The following PLPP4 variants were observed in gnomAD, a reference collection of about 807,000 sequenced individuals.
PLPP4 encodes phospholipid phosphatase 4.
Under a neutral mutation model 32.2 loss-of-function variants are expected in PLPP4, and 20 were observed. The ratio of observed to expected loss-of-function variants is 0.62; its 90% CI spans 0.44 to 0.90. PLPP4 has a LOEUF of 0.90. Among genes scored for constraint, PLPP4 ranks in the 40% least tolerant of loss-of-function variants. PLPP4 has a pLI of 0.00. For missense variants in PLPP4, 257 were observed against 353.1 expected (o/e 0.73, Z 2.18); for synonymous variants, 127 against 133.0 (o/e 0.95, Z 0.31).
intron 6 of PLPP4, among the ~76,000 whole-genome samples, chr10:120,588,236 T>C (rs983524287): frequency 7.2e-5 from 11 of 152,236 alleles, no homozygotes; most frequent in Non-Finnish European, 1.5e-4. Flanking sequence ...ACACAGATAC[T>C]AAGCGAGAGT....
chr10:120,548,088 A>G lies in PLPP4; in HGVS notation c.445+26993A>G, dbSNP rs559904909. Among the ~76,000 whole-genome samples the G allele has an allele frequency of 2.0e-5, 3 of 152,062 alleles. No individual in the cohort carries two copies. In the South Asian group the frequency reaches 6.2e-4, roughly 32 times the overall value. ...TTAAAATTGCCAAACTTTTTTTTTA[A>G]CTTTTAGATTTAGGGGTATATGTGT... On this transcript the variant is annotated intron_variant, in intron 5 of 6. Coordinates refer to ENST00000398250, the MANE Select transcript of PLPP4 (RefSeq NM_001030059.3).
chr10:120,579,800 C>T (rs1257102215), intron 6 of PLPP4, among the ~76,000 whole-genome samples: 1 of 151,904 alleles, frequency 6.6e-6, no homozygotes. Context: ...AAGCTTTATT[C>T]CATGGCCAAA....
Position 120,591,349 on chromosome 10 carries a change from G to C in PLPP4, c.*1847G>C, listed in dbSNP as rs1396327257. Reference sequence around the variant, plus strand: ...TTGTCCCCTGGATGGAGTGGGAGAGGGGGAGGCTTGAATTGACTTTCATCC... The same window carrying C: ...TTGTCCCCTGGATGGAGTGGGAGAGCGGGAGGCTTGAATTGACTTTCATCC... On this transcript the variant is annotated 3_prime_UTR_variant, in exon 7 of 7. Coordinates refer to ENST00000398250, the MANE Select transcript of PLPP4 (RefSeq NM_001030059.3). 6.6e-6 allele frequency among the ~76,000 whole-genome samples: 1 copy of C among 152,092 alleles called. No homozygotes were observed. The highest frequency in any genetic ancestry group is 6.5e-5 in the Admixed American group (1 of 15,268).
chr10:120,591,197 A>G lies in PLPP4; in HGVS notation c.*1695A>G, dbSNP rs1189536942. On this transcript the variant is annotated 3_prime_UTR_variant, in exon 7 of 7. Transcript: ENST00000398250. ...TAGAAGCATCAGAATATCTTTGATC[A>G]GCCATTTCTGTTAAGCTCCATGGGC... 6.6e-6 allele frequency among the ~76,000 whole-genome samples: 1 copy of G among 152,186 alleles called. No individual in the cohort carries two copies. The highest frequency in any genetic ancestry group is 1.5e-5 in the Non-Finnish European group (1 of 68,032).
intron 5 of PLPP4, among the ~76,000 whole-genome samples, chr10:120,532,467 CAT>C (rs199811520): frequency 0.015 from 2,230 of 152,284 alleles, 29 homozygotes; most frequent in Middle Eastern, 0.048. Flanking sequence ...ATAAATTTCA[CAT>C]ATGATTCAAT....
chr10:120,511,730 G>A (rs950950333), intron 2 of PLPP4, among the ~76,000 whole-genome samples: 1 of 152,200 alleles, frequency 6.6e-6, no homozygotes, highest in Non-Finnish European at 1.5e-5. Context: ...AGCACTAAAT[G>A]CATGAGACAA....
chr10:120,479,838 T>G (rs1844115418), intron 1 of PLPP4, among the ~76,000 whole-genome samples: 2 of 152,348 alleles, frequency 1.3e-5, no homozygotes, highest in South Asian at 4.1e-4. Flanking sequence ...TCCTTCTTGT[T>G]CTGATGAGGT....
chr10:120,584,022 G>A (rs1173397167), intron 6 of PLPP4, among the ~76,000 whole-genome samples: 1 of 152,166 alleles, frequency 6.6e-6, no homozygotes, highest in Admixed American at 6.5e-5. Flanking sequence ...CAGATGACTG[G>A]TCAATTTGTG....
intron 1 of PLPP4, among the ~76,000 whole-genome samples, chr10:120,500,512 A>G (rs916005371): frequency 6.6e-6 from 1 of 151,992 alleles, no homozygotes; most frequent in Admixed American, 6.5e-5. Context: ...TGAGCTTAGG[A>G]CTCACTTCTA....
intron 1 of PLPP4, among the ~76,000 whole-genome samples, chr10:120,472,748 C>T (rs1304730097): frequency 6.6e-6 from 1 of 151,986 alleles, no homozygotes; most frequent in African/African-American, 2.4e-5. Flanking sequence ...TGATAATGTC[C>T]TACAGATCTT....
At chr10:120,545,942 C>T (rs1217848677) in intron 5 of PLPP4, among the ~76,000 whole-genome samples, 2 of 152,192 alleles carry the variant, frequency 1.3e-5, no homozygotes, top group Non-Finnish European at 2.9e-5. Context: ...AAGGATTTGA[C>T]TTGTTGAGTC....
intron 5 of PLPP4, among the ~76,000 whole-genome samples, chr10:120,550,194 G>A (rs1349079844): frequency 2.0e-5 from 3 of 151,790 alleles, no homozygotes; most frequent in Admixed American, 1.3e-4. Context: ...AGAAAATAGA[G>A]ACTTTTAAAG....
At chr10:120,517,717 G>A (rs191254932) in intron 3 of PLPP4, among the ~76,000 whole-genome samples, 1 of 152,174 alleles carries the variant, frequency 6.6e-6, no homozygotes, top group East Asian at 1.9e-4. Context: ...CGGATAACTT[G>A]TTAAAAGCAG....
At chr10:120,580,512 G>T (rs1321329397) in intron 6 of PLPP4, among the ~76,000 whole-genome samples, 1 of 152,078 alleles carries the variant, frequency 6.6e-6, no homozygotes, top group South Asian at 2.1e-4. Flanking sequence ...TACCACAGGG[G>T]TCTCATTTCT....
At chr10:120,571,093 CGTGTGTGTGTGTGTGTGTGTGT>C (rs60011757) in intron 5 of PLPP4, among the ~76,000 whole-genome samples, 49,027 of 144,592 alleles carry the variant, frequency 0.34, 8,216 homozygotes, top group East Asian at 0.4. Flanking sequence ...AGTAAAGGGG[CGTGTGTGTGTGTGTGTGTGTGT>C]GTGTGTGTGT....
At chr10:120,579,927 G>A (rs1340857030) in intron 6 of PLPP4, among the ~76,000 whole-genome samples, 1 of 145,518 alleles carries the variant, frequency 6.9e-6, no homozygotes, top group Non-Finnish European at 1.5e-5. Flanking sequence ...CTAACATGGT[G>A]AAACCCCGTC....
intron 1 of PLPP4, among the ~76,000 whole-genome samples, chr10:120,457,761 C>G (rs1226453767): frequency 6.6e-6 from 1 of 152,188 alleles, no homozygotes; most frequent in Non-Finnish European, 1.5e-5. Flanking sequence ...CCCCTGGCCC[C>G]GTCTCCGATT....
At chr10:120,498,026 C>T (rs886527188) in intron 1 of PLPP4, among the ~76,000 whole-genome samples, 23 of 151,156 alleles carry the variant, frequency 1.5e-4, no homozygotes, top group Admixed American at 5.9e-4. Context: ...GGTGACAGAG[C>T]GAGACTCTGT....
At chr10:120,583,969 G>A (rs769801068) in intron 6 of PLPP4, among the ~76,000 whole-genome samples, 3 of 152,218 alleles carry the variant, frequency 2.0e-5, no homozygotes, top group Non-Finnish European at 4.4e-5. Context: ...GGGCTCCACA[G>A]AGCCACAAAG....
Sources: allele counts gnomAD v4.1 joint callset (sites outside exome capture counted in the v4.1 genomes callset), GRCh38; gene constraint gnomAD v4.1.1; transcripts MANE v1.5; gene names NCBI Gene and HGNC (gene_info 2026-07-23, HGNC 2026-07-21).